Variants in ERCC6L observed in about 807,000 individuals in gnomAD.
ERCC6L encodes the protein ERCC excision repair 6 like, spindle assembly checkpoint helicase.
Under a neutral mutation model 20.1 loss-of-function variants are expected in ERCC6L, and 7 were observed. The observed-to-expected ratio is 0.35, with a 90% confidence interval of 0.20 to 0.65. The LOEUF (loss-of-function observed/expected upper bound fraction) is 0.65. ERCC6L is among the 30% of genes least tolerant of loss of function. The pLI, the probability that ERCC6L is intolerant of heterozygous loss-of-function variation, is 0.69. For missense variants in ERCC6L, 592 were observed against 892.4 expected, an observed-to-expected ratio of 0.66 and a Z score of 4.29; for synonymous variants, 278 against 331.3, an observed-to-expected ratio of 0.84 and a Z score of 1.75.
chrX:72,225,653 T>C (rs1395053738), intron 1 of ERCC6L, among the ~76,000 whole-genome samples: 1 of 111,860 alleles, frequency 8.9e-6, no homozygotes, highest in Non-Finnish European at 1.9e-5. Context: ...ATTTTGCCAT[T>C]ATCACTAAAC....
rs1569490048 is a variant in ERCC6L, at chrX:72,208,260, T to C, written c.507A>G (p.Pro169=). The C allele has an allele frequency of 1.7e-6, 2 of 1,211,932 alleles. No individual in the cohort carries two copies. The highest frequency in any genetic ancestry group is 2.2e-6 in the Non-Finnish European group (2 of 895,429). ...TWVKEFIKWT[P]GMRVKTFHGP... is the part of the protein sequence containing the mutation. ...CATGAAAGGTTTTGACTCTCATTCC[T>C]GGAGTCCACTTGATGAATTCTTTTA... The change falls in exon 2 of 2, where the codon CCA becomes CCG. Residue 169 remains proline, a synonymous_variant. Transcript: ENST00000334463.
chrX:72,233,449 C>CATGGT (rs1287902678), intron 1 of ERCC6L, among the ~76,000 whole-genome samples: 2 of 111,645 alleles, frequency 1.8e-5, no homozygotes, highest in South Asian at 3.7e-4. Context: ...TGAGGCTGGG[C>CATGGT]ATGGTAGCTC....
At chrX:72,233,229 A>C (rs533493635) in intron 1 of ERCC6L, among the ~76,000 whole-genome samples, 2 of 111,973 alleles carry the variant, frequency 1.8e-5, no homozygotes, top group African/African-American at 6.5e-5. Flanking sequence ...AAAATATTGA[A>C]GCTTAATCTT....
intron 1 of ERCC6L, among the ~76,000 whole-genome samples, chrX:72,222,491 C>A (rs1602446222): frequency 9.0e-6 from 1 of 111,073 alleles, no homozygotes; most frequent in African/African-American, 3.3e-5. Flanking sequence ...GCGACAGAAC[C>A]ACATGATTAC....
At position 72,208,527 on chromosome X, in the gene ERCC6L, A is replaced by T; in HGVS notation, c.240T>A (p.Asp80Glu). The change falls in exon 2 of 2, where the codon GAT becomes GAA. Residue 80 changes from aspartate to glutamate, a missense_variant. Physicochemically the swap from Asp to Glu is conservative, Grantham distance 45. This residue lies in a region of ERCC6L where 196 missense variants were observed against 440.1 expected (regional missense o/e 0.45). Transcript: ENST00000334463. Reference sequence around the variant, plus strand: ...AAAGTAGCAAGCCAGAGTTGCACACATCTGTAAATTCATCATCTCCCTGTT... The same window carrying T: ...AAAGTAGCAAGCCAGAGTTGCACACTTCTGTAAATTCATCATCTCCCTGTT... ...LAEQGDDEFT[D>E]VCNSGLLLYR... is the part of the protein sequence containing the mutation. The T allele has an allele frequency of 1.7e-6, 2 of 1,211,850 alleles. No individual in the cohort carries two copies. The highest frequency in any genetic ancestry group is 1.8e-5 in the South Asian group (1 of 57,007).
intron 1 of ERCC6L, among the ~76,000 whole-genome samples, chrX:72,231,242 G>A (rs1461653109): frequency 2.7e-5 from 3 of 112,018 alleles, no homozygotes; most frequent in African/African-American, 6.5e-5. Context: ...TTATTCAGCC[G>A]TTAAAAGGCA....
intron 1 of ERCC6L, among the ~76,000 whole-genome samples, chrX:72,230,169 C>T (rs183371866): frequency 3.6e-3 from 390 of 107,072 alleles, no homozygotes; most frequent in African/African-American, 0.012. Context: ...AGCAAGACTC[C>T]GACTCAAAAA....
At chrX:72,221,958 C>T (rs1407928723) in intron 1 of ERCC6L, among the ~76,000 whole-genome samples, 1 of 109,949 alleles carries the variant, frequency 9.1e-6, no homozygotes, top group Non-Finnish European at 1.9e-5. Context: ...TTTGACCCTG[C>T]AGATGAACCC....
At chrX:72,226,385 A>G (rs2042953950) in intron 1 of ERCC6L, among the ~76,000 whole-genome samples, 1 of 111,981 alleles carries the variant, frequency 8.9e-6, no homozygotes, top group African/African-American at 3.2e-5. Context: ...GCCTTTGGGC[A>G]TATCCTCCCA....
rs778569842 is a variant in ERCC6L, at chrX:72,204,866, G to GT, written c.*147dup. 8.8e-4 allele frequency: 359 copies of GT among 407,457 alleles called. No individual in the cohort carries two copies. The highest frequency in any genetic ancestry group is 1.3e-3 in the Middle Eastern group (2 of 1,504). The allele number at this position is 407,457 out of a possible 1,213,427, so 33.6% of individuals were successfully genotyped here. On this transcript the variant is annotated 3_prime_UTR_variant, in exon 2 of 2. Transcript: ENST00000334463. The stretch of plus-strand genomic sequence containing the variant: ...AGTGCTCAGAATACCAGACTATGGA[G>GT]TGGGGGGCGTTGCAGGGCAGAAGTT...
At chrX:72,235,008 G>A (rs771946001) in intron 1 of ERCC6L, among the ~76,000 whole-genome samples, 1 of 112,176 alleles carries the variant, frequency 8.9e-6, no homozygotes, top group Non-Finnish European at 1.9e-5. Context: ...TCACATGATT[G>A]TTTCTTCAAC....
intron 1 of ERCC6L, among the ~76,000 whole-genome samples, chrX:72,218,690 T>G (rs2147593389): frequency 9.0e-6 from 1 of 110,585 alleles, no homozygotes; most frequent in Non-Finnish European, 1.9e-5. Flanking sequence ...AGACGGGGTT[T>G]CACCATGTTG....
chrX:72,237,295 G>C (rs2043022059), intron 1 of ERCC6L, among the ~76,000 whole-genome samples: 1 of 111,488 alleles, frequency 9.0e-6, no homozygotes, highest in Admixed American at 9.6e-5. Flanking sequence ...TCAGGAGTTT[G>C]AGACCAGCCT....
chrX:72,231,751 G>A (rs1252697913), intron 1 of ERCC6L, among the ~76,000 whole-genome samples: 8 of 110,925 alleles, frequency 7.2e-5, no homozygotes, highest in East Asian at 2.8e-4. Context: ...ACAGAGTTTC[G>A]CCATGTTGGT....
In ERCC6L at chrX:72,236,781, G is replaced by A. The variant is rs149297020; in HGVS notation, c.68+2063C>T. Reference sequence around the variant, plus strand: ...AATATCATTTTGCTGCAACACTGATGAGAAAAAAATTGGTTTTGCTACGTC... The same window carrying A: ...AATATCATTTTGCTGCAACACTGATAAGAAAAAAATTGGTTTTGCTACGTC... On this transcript the variant is annotated intron_variant, in intron 1 of 1. Coordinates refer to ENST00000334463, the MANE Select transcript of ERCC6L (RefSeq NM_017669.4). 2.1e-3 allele frequency among the ~76,000 whole-genome samples: 230 copies of A among 111,786 alleles called. 2 individuals are homozygous for A. In the East Asian group the frequency reaches 0.03, roughly 14 times the overall value.
Position 72,238,961 on chromosome X carries a change from G to A in ERCC6L, c.-50C>T. 1 of 995,193 alleles carries A rather than the reference G, an allele frequency of 1.0e-6. No homozygotes were observed. The highest frequency in any genetic ancestry group is 2.6e-5 in the Admixed American group (1 of 38,447). 82.0% of individuals were successfully genotyped at this position (995,193 alleles called of 1,213,427 possible). ...CCCCGGCGGGAGTTTGGAGCTTGGAGCTTGGAGCTTGGAGCTTGGAGCTTA... is the reference window on the plus strand; with the variant it reads ...CCCCGGCGGGAGTTTGGAGCTTGGAACTTGGAGCTTGGAGCTTGGAGCTTA... On this transcript the variant is annotated 5_prime_UTR_variant, in exon 1 of 2. Transcript: ENST00000334463.
At chrX:72,228,366 C>T (rs1270385474) in intron 1 of ERCC6L, among the ~76,000 whole-genome samples, 2 of 111,628 alleles carry the variant, frequency 1.8e-5, no homozygotes, top group Non-Finnish European at 3.8e-5. Context: ...CTTACCATAC[C>T]CACAGCAGCA....
Position 72,238,985 on chromosome X carries a change from T to TA in ERCC6L, c.-75dup. On this transcript the variant is annotated 5_prime_UTR_variant, in exon 1 of 2. An upstream open reading frame in the 5' UTR gains an earlier in-frame stop. Coordinates refer to ENST00000334463, the MANE Select transcript of ERCC6L (RefSeq NM_017669.4). ...AGCTTGGAGCTTGGAGCTTGGAGCT[T>TA]AGAGTTTGGAGCTTGAATTTCGCTC... 3.0e-6 allele frequency: 3 copies of TA among 1,015,799 alleles called. No homozygotes were observed. Among genetic ancestry groups the TA allele is most frequent in the Non-Finnish European group, 4.1e-6 (3 of 737,860 alleles). The allele number at this position is 1,015,799 out of a possible 1,213,427, so 83.7% of individuals were successfully genotyped here.
chrX:72,211,363 T>A, intron 1 of ERCC6L, among the ~76,000 whole-genome samples: 1 of 110,910 alleles, frequency 9.0e-6, no homozygotes, highest in Non-Finnish European at 1.9e-5. Context: ...AGGAGAAGAA[T>A]AGTGCTAGAG....
Sources: gnomAD v4.1 joint callset for allele counts (sites outside exome capture counted in the v4.1 genomes callset) on GRCh38, gnomAD v4.1.1 for gene constraint, gnomAD v4.1.1 regional missense constraint, MANE v1.5 for transcripts, NCBI Gene and HGNC (gene_info 2026-07-23, HGNC 2026-07-21) for gene names.